Variants in CSDE1 observed in about 807,000 individuals in gnomAD.
CSDE1 encodes cold shock domain containing E1, also known as cold shock domain-containing protein E1.
Under a neutral mutation model 89.3 loss-of-function variants are expected in CSDE1, and 17 were observed. That is an observed-to-expected ratio of 0.19 (90% confidence interval 0.13 to 0.29). The LOEUF is 0.29. Ranked by LOEUF, CSDE1 falls within the 10% of genes least tolerant of loss-of-function variation. The pLI is 1.00. For synonymous variants in CSDE1, 322 were observed against 332.8 expected, an observed-to-expected ratio of 0.97 and a Z score of 0.35; for missense variants, 672 against 984.2, an observed-to-expected ratio of 0.68 and a Z score of 4.24.
intron 2 of CSDE1, among the ~76,000 whole-genome samples, chr1:114,747,127 A>G (rs997640572): frequency 6.6e-6 from 1 of 152,212 alleles, no homozygotes; most frequent in Non-Finnish European, 1.5e-5. Context: ...ATCATTCACC[A>G]AACAATTCAG....
rs1197821886 is a variant in CSDE1 at position 114,739,909 on chromosome 1, GA to G, written c.1-20del. On this transcript the variant is annotated intron_variant, in intron 2 of 19. Coordinates refer to ENST00000358528, the MANE Select transcript of CSDE1 (RefSeq NM_001007553.3). The stretch of plus-strand genomic sequence containing the variant: ...AGCTCATCTGTTTTAAAAAGAAAAA[GA>G]ATATATACATATCTGTACATTATCT... The G allele has an allele frequency of 6.3e-7, 1 of 1,577,300 alleles. No homozygotes were observed. The highest frequency in any genetic ancestry group is 8.7e-7 in the Non-Finnish European group (1 of 1,147,010).
At position 114,718,467 on chromosome 1, in the gene CSDE1, C is replaced by G. The variant is rs191982039; in HGVS notation, c.2349+146G>C. 229 of 1,157,864 alleles carry G rather than the reference C, an allele frequency of 2.0e-4. 2 individuals are homozygous for G. In the East Asian group the frequency reaches 4.4e-3, roughly 22 times the overall value. 71.7% of individuals were successfully genotyped at this position (1,157,864 alleles called of 1,614,324 possible). On this transcript the variant is annotated intron_variant, in intron 19 of 19. Coordinates refer to ENST00000358528, the MANE Select transcript of CSDE1 (RefSeq NM_001007553.3). ...GCAACCATTAGGTTAGGGGGCTGAA[C>G]CAATGTGTAGAAAGTCCTAACTAGT...
chr1:114,720,409 G>T, intron 17 of CSDE1, 130 bp downstream of exon 17: 1 of 876,204 alleles, frequency 1.1e-6, no homozygotes. Flanking sequence ...TCAAATGACT[G>T]AAAAAAGGTG....
intron 1 of CSDE1, among the ~76,000 whole-genome samples, chr1:114,752,151 A>G (rs1261523862): frequency 6.6e-6 from 1 of 152,200 alleles, no homozygotes; most frequent in African/African-American, 2.4e-5. Flanking sequence ...CTGGAGCCTC[A>G]GCTACTTAGG....
chr1:114,736,786 T>G lies in CSDE1; in HGVS notation c.472A>C (p.Ile158Leu). 6.2e-7 allele frequency: 1 copy of G among 1,612,698 alleles called. No individual in the cohort carries two copies. Among genetic ancestry groups the G allele is most frequent in the Non-Finnish European group, 8.5e-7 (1 of 1,179,314 alleles). The change falls in exon 6 of 20, where the codon ATA becomes CTA. Residue 158 changes from isoleucine to leucine, a missense_variant. This residue lies in a region of CSDE1 where 124 missense variants were observed against 138.7 expected (regional missense o/e 0.89). Coordinates refer to ENST00000358528, the MANE Select transcript of CSDE1 (RefSeq NM_001007553.3). ...GNVQLETGDK[I>L]NFVIDNNKHT... ...TTATTGTTATCAATTACAAAGTTTA[T>G]TTTATCTCCAGTTTCCAGCTGAACG...
intron 9 of CSDE1, 115 bp from the exon 10 acceptor site, chr1:114,732,931 G>GA: frequency 1.2e-6 from 1 of 833,856 alleles, no homozygotes. Flanking sequence ...TCCCTGAAGC[G>GA]AAAAAAGGTG....
chr1:114,725,439 C>T (rs1659740425), intron 14 of CSDE1, 106 bp from the exon 15 acceptor site: 3 of 817,254 alleles, frequency 3.7e-6, no homozygotes, highest in Admixed American at 3.9e-5. Context: ...TGCTTATTTA[C>T]ATTAGACACC....
chr1:114,722,261 G>C (rs1042441762), intron 16 of CSDE1, among the ~76,000 whole-genome samples: 1 of 152,208 alleles, frequency 6.6e-6, no homozygotes, highest in African/African-American at 2.4e-5. Flanking sequence ...CATGGGAAGA[G>C]TGATTAGAGG....
intron 10 of CSDE1, among the ~76,000 whole-genome samples, chr1:114,732,211 C>G (rs1660140564): frequency 6.6e-6 from 1 of 152,018 alleles, no homozygotes; most frequent in Admixed American, 6.6e-5. Context: ...TTTGGCTTCC[C>G]TGGACCACAC....
chr1:114,724,000 T>G lies in CSDE1; in HGVS notation c.1756A>C (p.Asn586His). Residue 586 changes from asparagine to histidine, a missense_variant and splice_region_variant, in exon 16 of 20, where the codon AAT becomes CAT. Physicochemically the swap from Asn to His is moderately conservative, Grantham distance 68. Coordinates refer to ENST00000358528, the MANE Select transcript of CSDE1 (RefSeq NM_001007553.3). ...AEKVNKTHSV[N>H]GITEEADPTI... ...GGATCAGCTTCCTCAGTAATGCCAT[T>G]CACTACAAAACAAAGGCAGGTACAT... 1 of 1,613,024 alleles carries G rather than the reference T, an allele frequency of 6.2e-7. No individual in the cohort carries two copies. The highest frequency in any genetic ancestry group is 8.5e-7 in the Non-Finnish European group (1 of 1,179,478).
At chr1:114,735,779 A>G (rs1660365937) in intron 6 of CSDE1, among the ~76,000 whole-genome samples, 1 of 147,400 alleles carries the variant, frequency 6.8e-6, no homozygotes, top group Admixed American at 6.7e-5. Flanking sequence ...TCCTATGCCA[A>G]GATAAAAATA....
chr1:114,732,527 T>C lies in CSDE1; in HGVS notation c.1050+77A>G, dbSNP rs570816366. On this transcript the variant is annotated intron_variant, in intron 10 of 19. Coordinates refer to ENST00000358528, the MANE Select transcript of CSDE1 (RefSeq NM_001007553.3). ...GGGTCATTTAACTTAAGAAAAATTT[T>C]AATTTAGTAGTATAAACTTGAATAT... 34 of 1,388,138 alleles carry C rather than the reference T, an allele frequency of 2.4e-5. No homozygotes were observed. The African/African-American group carries it at 3.9e-4, about 16-fold the overall frequency. The allele number at this position is 1,388,138 out of a possible 1,614,324, so 86.0% of individuals were successfully genotyped here. A position where few individuals can be genotyped will look rare whatever the true frequency, so the allele number is the denominator to read the frequency against.
chr1:114,726,170 A>G (rs1296566858), intron 14 of CSDE1, 41 bp downstream of exon 14: 1 of 1,543,634 alleles, frequency 6.5e-7, no homozygotes, highest in African/African-American at 1.4e-5. Flanking sequence ...CAAAGAATGG[A>G]TGGTAAGTTA....
chr1:114,734,457 T>G lies in CSDE1; in HGVS notation c.567A>C (p.Val189=). The G allele has an allele frequency of 6.2e-7, 1 of 1,613,022 alleles. No individual in the cohort carries two copies. The highest frequency in any genetic ancestry group is 8.5e-7 in the Non-Finnish European group (1 of 1,179,628). ...LKKKQARCQG[V]VCAMKEAFGF... ...TAACACTTACCTTCATGGCACAAAC[T>G]ACTCCCTGACAGCGGGCTTGTTTCT... The change falls in exon 7 of 20, where the codon GTA becomes GTC. Residue 189 remains valine (V), a synonymous_variant. Transcript: ENST00000358528.
chr1:114,733,746 G>A lies in CSDE1; in HGVS notation c.823C>T (p.Pro275Ser), dbSNP rs1034873703. 6.2e-7 allele frequency: 1 copy of A among 1,613,230 alleles called. No homozygotes were observed. The highest frequency in any genetic ancestry group is 8.5e-7 in the Non-Finnish European group (1 of 1,179,784). The change falls in exon 9 of 20, where the codon CCC (proline) becomes TCC (serine). Residue 275 changes from proline to serine, a missense_variant. By Grantham distance (74) the Pro-to-Ser change is moderately conservative. Around this residue, in one of 8 missense-constraint regions of CSDE1, gnomAD observed 169 missense variants for 262.9 expected, o/e 0.64. Coordinates refer to ENST00000358528, the MANE Select transcript of CSDE1 (RefSeq NM_001007553.3). ...GTVTKVIPKVPSKNQNDPLPG... is the reference protein window; with the variant it reads ...GTVTKVIPKVSSKNQNDPLPG... Reference sequence around the variant, plus strand: ...AGATTATTTACCTGGTTTTTACTGGGTACTTTTGGGATAACTTTGGTTACA... The same window carrying A: ...AGATTATTTACCTGGTTTTTACTGGATACTTTTGGGATAACTTTGGTTACA...
Position 114,736,686 on chromosome 1 carries a change from TATTC to T in CSDE1, c.500+68_500+71del, listed in dbSNP as rs1024977809. 1,856 of 877,500 alleles carry T rather than the reference TATTC, an allele frequency of 2.1e-3. 15 individuals carry two copies. Among genetic ancestry groups the T allele is most frequent in the Non-Finnish European group, 1.8e-3 (985 of 553,348 alleles). The allele number at this position is 877,500 out of a possible 1,614,324, so 54.4% of individuals were successfully genotyped here. A position where few individuals can be genotyped will look rare whatever the true frequency, so the allele number is the denominator to read the frequency against. On this transcript the variant is annotated intron_variant, in intron 6 of 19. Coordinates refer to ENST00000358528, the MANE Select transcript of CSDE1 (RefSeq NM_001007553.3). Reference sequence around the variant, plus strand: ...GACTTACAAGTTAGGTTTTTAACTCTATTCAAATTTCTTAATGGAGGGGGGAAAA... The same window carrying T: ...GACTTACAAGTTAGGTTTTTAACTCTAAATTTCTTAATGGAGGGGGGAAAA...
chr1:114,719,576 C>A lies in CSDE1; in HGVS notation c.2216+3G>T. On this transcript the variant is annotated splice_donor_region_variant and intron_variant, in intron 18 of 19. Coordinates refer to ENST00000358528, the MANE Select transcript of CSDE1 (RefSeq NM_001007553.3). The stretch of plus-strand genomic sequence containing the variant: ...CTAATCAAACCACAACAACAAAACT[C>A]ACCAGACTCGCCAAACATTACAGGC... 6.2e-7 allele frequency: 1 copy of A among 1,611,758 alleles called. No homozygotes were observed. Among genetic ancestry groups the A allele is most frequent in the South Asian group, 1.1e-5 (1 of 90,508 alleles).
intron 10 of CSDE1, among the ~76,000 whole-genome samples, chr1:114,731,746 T>C (rs755381923): frequency 2.6e-5 from 4 of 152,224 alleles, no homozygotes; most frequent in South Asian, 2.1e-4. Context: ...GTCCAAACCA[T>C]GGCCTAGGAC....
At chr1:114,738,168 A>C in intron 3 of CSDE1, 96 bp from the exon 4 acceptor site, 1 of 927,556 alleles carries the variant, frequency 1.1e-6, no homozygotes, top group Non-Finnish European at 1.7e-6. Flanking sequence ...GAATTGCCTT[A>C]GACCAGTGGT....
Sources: allele counts gnomAD v4.1 joint callset (sites outside exome capture counted in the v4.1 genomes callset), GRCh38; gene constraint gnomAD v4.1.1; regional missense constraint gnomAD v4.1.1; transcripts MANE v1.5; gene names NCBI Gene and HGNC (gene_info 2026-07-23, HGNC 2026-07-21).